Variants in PTPN13 observed in about 807,000 individuals in gnomAD.
The protein encoded by PTPN13 is protein tyrosine phosphatase non-receptor type 13.
A neutral mutation model predicts 284.0 loss-of-function variants in PTPN13; 191 were observed. That is an observed-to-expected ratio of 0.67 (90% CI 0.60 to 0.76). PTPN13 has a LOEUF of 0.76. Among genes scored for constraint, PTPN13 ranks in the 30% least tolerant of loss-of-function variants. The pLI, the probability that PTPN13 is intolerant of heterozygous loss-of-function variation, is 0.00. For synonymous variants in PTPN13, 986 were observed against 1,022.3 expected (o/e 0.96, Z 0.68); for missense variants, 2,797 against 2,939.9 (o/e 0.95, Z 1.12).
In PTPN13 at chr4:86,803,840, C is replaced by G. The variant is rs750632263; in HGVS notation, c.6637C>G (p.Pro2213Ala). The G allele has an allele frequency of 1.2e-6, 2 of 1,613,384 alleles. No individual in the cohort carries two copies. The highest frequency in any genetic ancestry group is 2.7e-5 in the African/African-American group (2 of 74,894). Reference sequence around the variant, plus strand: ...GCGGGGTTTGCTAGATCAAGGAATTCCTTCTAAGGAGCTGGAGGTAAGTGG... The same window carrying G: ...GCGGGGTTTGCTAGATCAAGGAATTGCTTCTAAGGAGCTGGAGGTAAGTGG... ...VLRGLLDQGI[P>A]SKELENLQEL... Residue 2213 changes from proline (P) to alanine (A), a missense_variant, in exon 43 of 48, where the codon CCT (proline) becomes GCT (alanine). Transcript: ENST00000411767.
intron 40 of PTPN13, among the ~76,000 whole-genome samples, chr4:86,789,176 A>C (rs930323493): frequency 1.3e-5 from 2 of 152,360 alleles, no homozygotes. Context: ...AGTGACTTAC[A>C]TGCCATGCCA....
chr4:86,703,758 A>C (rs971791875), intron 7 of PTPN13, among the ~76,000 whole-genome samples: 2 of 152,118 alleles, frequency 1.3e-5, no homozygotes, highest in African/African-American at 4.8e-5. Context: ...AGTTCCAGCT[A>C]CTCAGGAGGC....
At chr4:86,638,674 T>G (rs1239521972) in intron 2 of PTPN13, among the ~76,000 whole-genome samples, 1 of 152,066 alleles carries the variant, frequency 6.6e-6, no homozygotes, top group Non-Finnish European at 1.5e-5. Flanking sequence ...ATACAAAAAT[T>G]AATTCAAGAT....
At chr4:86,730,793 A>T (rs1039611315) in intron 10 of PTPN13, among the ~76,000 whole-genome samples, 1 of 151,888 alleles carries the variant, frequency 6.6e-6, no homozygotes, top group South Asian at 2.1e-4. Flanking sequence ...GCTTCAGCTC[A>T]TCCTCCGATT....
intron 1 of PTPN13, among the ~76,000 whole-genome samples, chr4:86,618,002 T>C (rs1720768334): frequency 6.6e-6 from 1 of 152,150 alleles, no homozygotes; most frequent in Admixed American, 6.5e-5. Flanking sequence ...TCCTTGCCCA[T>C]GCCTATGTCC....
At chr4:86,728,324 A>G (rs1565428562) in intron 10 of PTPN13, among the ~76,000 whole-genome samples, 1 of 149,330 alleles carries the variant, frequency 6.7e-6, no homozygotes, top group East Asian at 1.9e-4. Flanking sequence ...GGATATGTCT[A>G]TTAGGTCCAC....
chr4:86,688,058 T>C (rs1196540326), intron 4 of PTPN13, among the ~76,000 whole-genome samples: 1 of 152,130 alleles, frequency 6.6e-6, no homozygotes, highest in Admixed American at 6.5e-5. Flanking sequence ...ATGCAATAAA[T>C]GCTATGTTAG....
chr4:86,758,178 A>G, intron 20 of PTPN13, 82 bp from the exon 21 acceptor site: 1 of 905,424 alleles, frequency 1.1e-6, no homozygotes, highest in East Asian at 2.7e-5. Flanking sequence ...ACACTTTGTT[A>G]ACATTTAAAT....
chr4:86,789,352 C>T (rs1179353484), intron 40 of PTPN13, among the ~76,000 whole-genome samples: 4 of 152,146 alleles, frequency 2.6e-5, no homozygotes, highest in African/African-American at 4.8e-5. Context: ...CTCTCCATCA[C>T]CTGAGGATAA....
intron 3 of PTPN13, among the ~76,000 whole-genome samples, chr4:86,674,943 G>A (rs1013300598): frequency 6.6e-6 from 1 of 152,182 alleles, no homozygotes; most frequent in Non-Finnish European, 1.5e-5. Context: ...AATAGGTATA[G>A]TATGTGTGCA....
intron 2 of PTPN13, among the ~76,000 whole-genome samples, chr4:86,655,448 ATC>A (rs1396371923): frequency 6.6e-6 from 1 of 152,014 alleles, no homozygotes; most frequent in Non-Finnish European, 1.5e-5. Flanking sequence ...TGGTGACAAA[ATC>A]TCTCTGCATT....
chr4:86,770,698 T>C (rs2038334217), intron 30 of PTPN13, among the ~76,000 whole-genome samples: 1 of 152,180 alleles, frequency 6.6e-6, no homozygotes, highest in African/African-American at 2.4e-5. Flanking sequence ...CTATTAAAAA[T>C]GGCCTATATT....
Position 86,741,786 on chromosome 4 carries a change from A to T in PTPN13, c.2457A>T (p.Pro819=). 3 of 1,609,496 alleles carry T rather than the reference A, an allele frequency of 1.9e-6. No homozygotes were observed. Among genetic ancestry groups the T allele is most frequent in the Non-Finnish European group, 2.5e-6 (3 of 1,177,606 alleles). ...NGVRTLVLRF[P]WRETKKISFS... is the part of the protein sequence containing the mutation. Reference sequence around the variant, plus strand: ...TGCGCACATTGGTCCTTCGCTTTCCATGGAGGGAAACCAAGAAAATATCTT... The same window carrying T: ...TGCGCACATTGGTCCTTCGCTTTCCTTGGAGGGAAACCAAGAAAATATCTT... Residue 819 remains proline (P), a synonymous_variant, in exon 16 of 48, where the codon CCA becomes CCT. Transcript: ENST00000411767.
At chr4:86,784,701 A>G (rs1741703094) in intron 38 of PTPN13, 143 bp downstream of exon 38, 1 of 611,202 alleles carries the variant, frequency 1.6e-6, no homozygotes, top group Non-Finnish European at 2.8e-6. Context: ...AAACAAAAGA[A>G]CAATATATAA....
intron 1 of PTPN13, 107 bp from the exon 2 acceptor site, chr4:86,635,145 A>T: frequency 8.5e-7 from 1 of 1,177,276 alleles, no homozygotes; most frequent in Non-Finnish European, 1.2e-6. Flanking sequence ...TTGAGAAATT[A>T]GGTAGACAGG....
At chr4:86,727,035 T>G (rs1223823487) in intron 10 of PTPN13, among the ~76,000 whole-genome samples, 1 of 149,626 alleles carries the variant, frequency 6.7e-6, no homozygotes, top group Non-Finnish European at 1.5e-5. Flanking sequence ...GCTGTTTAAT[T>G]GTGTTAAAGG....
At chr4:86,747,763 G>A (rs1736945116) in intron 17 of PTPN13, among the ~76,000 whole-genome samples, 2 of 152,324 alleles carry the variant, frequency 1.3e-5, no homozygotes, top group East Asian at 1.9e-4. Flanking sequence ...TTAAGATGGT[G>A]TGATCTATAT....
At chr4:86,731,283 C>T (rs1208198764) in intron 10 of PTPN13, among the ~76,000 whole-genome samples, 2 of 152,176 alleles carry the variant, frequency 1.3e-5, no homozygotes, top group Non-Finnish European at 2.9e-5. Flanking sequence ...TTTCTCAACC[C>T]TTCTCCCACT....
At chr4:86,798,309 T>A (rs28610135) in intron 41 of PTPN13, among the ~76,000 whole-genome samples, 15,133 of 152,110 alleles carry the variant, frequency 0.099, 872 homozygotes, top group Non-Finnish European at 0.11. Flanking sequence ...CCAGCAAAAT[T>A]AGTGTTGTCA....
Sources: allele counts gnomAD v4.1 joint callset (sites outside exome capture counted in the v4.1 genomes callset), GRCh38; gene constraint gnomAD v4.1.1; transcripts MANE v1.5; gene names NCBI Gene and HGNC (gene_info 2026-07-23, HGNC 2026-07-21).